Variants in AFDN observed in about 807,000 individuals in gnomAD.
AFDN encodes afadin.
A neutral mutation model predicts 216.6 loss-of-function variants in AFDN; 68 were observed. The ratio of observed to expected loss-of-function variants is 0.31; its 90% CI spans 0.26 to 0.38. AFDN has a LOEUF of 0.38. Ranked by LOEUF, AFDN falls within the 10% of genes least tolerant of loss-of-function variation. The probability of loss-of-function intolerance (pLI) is 1.00; values close to 1 mark genes in which losing one functional copy is unlikely to be tolerated. For missense variants in AFDN, 2,136 were observed against 2,342.0 expected (o/e 0.91, Z 1.82); for synonymous variants, 868 against 853.7 (o/e 1.02, Z -0.29).
In AFDN at chr6:167,962,584, G is replaced by A. The variant is rs752039030; in HGVS notation, c.4968+17G>A. 1 of 1,613,898 alleles carries A rather than the reference G, an allele frequency of 6.2e-7. No homozygotes were observed. The highest frequency in any genetic ancestry group is 8.5e-7 in the Non-Finnish European group (1 of 1,179,796). On this transcript the variant is annotated intron_variant, in intron 31 of 33. Coordinates refer to ENST00000683244, the MANE Select transcript of AFDN (RefSeq NM_001386888.1). The surrounding 1 kb of genome is among the most constrained non-coding windows in gnomAD (Gnocchi z 5.2). The stretch of plus-strand genomic sequence containing the variant: ...GAAGAAAAGGTTATGGTCCTTTAAG[G>A]GCAGCTAGAATTTTACCAAGTTAGC...
intron 11 of AFDN, 151 bp downstream of exon 11, chr6:167,898,618 G>A: frequency 1.1e-6 from 1 of 929,606 alleles, no homozygotes. Context: ...TGTTAACTTG[G>A]GTTGGTTTTA....
At chr6:167,845,628 G>T (rs185168899) in intron 1 of AFDN, among the ~76,000 whole-genome samples, 5 of 152,050 alleles carry the variant, frequency 3.3e-5, no homozygotes, top group African/African-American at 1.2e-4. Flanking sequence ...CGTCTGCCTC[G>T]GCTTCCCAAA....
chr6:167,919,648 G>A (rs138449494), intron 21 of AFDN, among the ~76,000 whole-genome samples: 163 of 152,366 alleles, frequency 1.1e-3, no homozygotes, highest in African/African-American at 3.3e-3. Flanking sequence ...TGAAAGGTTC[G>A]AATACAACTG....
chr6:167,842,409 T>C (rs971600786), intron 1 of AFDN, among the ~76,000 whole-genome samples: 5 of 152,174 alleles, frequency 3.3e-5, no homozygotes, highest in African/African-American at 9.7e-5. Flanking sequence ...AAATGCCCCA[T>C]AATTAACTAT....
chr6:167,839,015 A>G (rs751831090), intron 1 of AFDN, among the ~76,000 whole-genome samples: 4 of 152,148 alleles, frequency 2.6e-5, no homozygotes, highest in Non-Finnish European at 4.4e-5. Flanking sequence ...CTTGTGGCCA[A>G]TATTCTTGCA....
At chr6:167,864,891 T>C (rs1227905613) in intron 2 of AFDN, 145 bp downstream of exon 2, 1 of 848,102 alleles carries the variant, frequency 1.2e-6, no homozygotes, top group Non-Finnish European at 2.0e-6. Context: ...GCTGGCAGGC[T>C]GAGAAAACTG....
chr6:167,957,615 T>G (rs571213780), intron 30 of AFDN, among the ~76,000 whole-genome samples: 11 of 152,318 alleles, frequency 7.2e-5, no homozygotes, highest in African/African-American at 2.6e-4. Context: ...GGCTTTTCCT[T>G]TATATCGCAT....
At chr6:167,885,740 T>C (rs1469561097) in intron 6 of AFDN, among the ~76,000 whole-genome samples, 1 of 152,250 alleles carries the variant, frequency 6.6e-6, no homozygotes, top group Non-Finnish European at 1.5e-5. Context: ...GTAGGCGTGC[T>C]CAACGCAGGC....
intron 1 of AFDN, among the ~76,000 whole-genome samples, chr6:167,849,742 T>C (rs1782091905): frequency 1.3e-5 from 2 of 152,216 alleles, no homozygotes; most frequent in Admixed American, 6.5e-5. Flanking sequence ...ACAGAGTGTT[T>C]CCATAAAATT....
intron 9 of AFDN, among the ~76,000 whole-genome samples, chr6:167,895,760 C>A (rs1001462994): frequency 6.6e-6 from 1 of 152,142 alleles, no homozygotes; most frequent in Non-Finnish European, 1.5e-5. Context: ...GTGAAACTCT[C>A]AAAGCTTACG....
Position 167,872,292 on chromosome 6 carries a change from GAAAAGAAGGAAA to G in AFDN, c.502_513del (p.Glu168_Lys171del). On this transcript the variant is annotated inframe_deletion, in exon 4 of 34. Transcript: ENST00000683244. The stretch of plus-strand genomic sequence containing the variant: ...CTTCAAGAGAACTCTCTCAAAGAAA[GAAAAGAAGGAAA>G]AAAAGAAGAGAGAAAAAGAGGCATT... The G allele has an allele frequency of 6.2e-7, 1 of 1,613,818 alleles. No individual in the cohort carries two copies. Among genetic ancestry groups the G allele is most frequent in the Non-Finnish European group, 8.5e-7 (1 of 1,179,910 alleles).
At chr6:167,905,029 C>T (rs1789487865) in intron 12 of AFDN, among the ~76,000 whole-genome samples, 1 of 152,176 alleles carries the variant, frequency 6.6e-6, no homozygotes, top group Non-Finnish European at 1.5e-5. Flanking sequence ...CCGTGCCTGC[C>T]TCTTTCCTCC....
chr6:167,962,332 G>T lies in AFDN; in HGVS notation c.4834-101G>T. On this transcript the variant is annotated intron_variant, in intron 30 of 33. Transcript: ENST00000683244. This position sits in a 1 kb window ranked among gnomAD's most constrained non-coding sequence, Gnocchi z 5.2. ...ATTTTATATTTAACTTTCTGTGTGT[G>T]TGTGTTTGTGTATATGTGTGTCTAC... is the stretch of plus-strand genomic sequence containing the variant. 2 of 1,463,914 alleles carry T rather than the reference G, an allele frequency of 1.4e-6. No homozygotes were observed. Among genetic ancestry groups the T allele is most frequent in the African/African-American group, 1.4e-5 (1 of 71,802 alleles). 90.7% of individuals were successfully genotyped at this position (1,463,914 alleles called of 1,614,324 possible).
intron 23 of AFDN, among the ~76,000 whole-genome samples, chr6:167,939,995 A>C (rs527281569): frequency 6.6e-6 from 1 of 152,378 alleles, no homozygotes; most frequent in South Asian, 2.1e-4. Flanking sequence ...TAAAAAGCTC[A>C]GTCTTTGCCA....
chr6:167,938,110 A>T (rs1794230352), intron 23 of AFDN, among the ~76,000 whole-genome samples: 1 of 152,196 alleles, frequency 6.6e-6, no homozygotes, highest in African/African-American at 2.4e-5. Context: ...TGAGAACATA[A>T]GTGAATGATG....
chr6:167,928,830 A>G (rs1299750848), intron 23 of AFDN, among the ~76,000 whole-genome samples: 1 of 152,196 alleles, frequency 6.6e-6, no homozygotes, highest in African/African-American at 2.4e-5. Flanking sequence ...AAGTCCCCTG[A>G]GCTGCTGTAT....
chr6:167,917,065 T>G lies in AFDN; in HGVS notation c.2566-24T>G, dbSNP rs1347374115. 3 of 1,603,340 alleles carry G rather than the reference T, an allele frequency of 1.9e-6. No individual in the cohort carries two copies. The South Asian group carries it at 3.3e-5, about 18-fold the overall frequency. ...AAATAACTTTACAAGTGTGATATTT[T>G]ATGTCCTTTATTCTTTTACATAGGC... is the stretch of plus-strand genomic sequence containing the variant. On this transcript the variant is annotated intron_variant, in intron 19 of 33. Transcript: ENST00000683244.
At chr6:167,876,457 G>C (rs962274632) in intron 5 of AFDN, among the ~76,000 whole-genome samples, 5 of 152,172 alleles carry the variant, frequency 3.3e-5, no homozygotes, top group African/African-American at 7.2e-5. Context: ...CAAGGAGTCT[G>C]AAAGAAAATA....
chr6:167,951,375 A>G lies in AFDN; in HGVS notation c.4021A>G (p.Thr1341Ala). Residue 1341 changes from threonine to alanine, a missense_variant, in exon 30 of 34, where the codon ACA becomes GCA. Around this residue, in one of 8 missense-constraint regions of AFDN, gnomAD observed 981 missense variants for 966.0 expected, o/e 1.02. Coordinates refer to ENST00000683244, the MANE Select transcript of AFDN (RefSeq NM_001386888.1). This position sits in a 1 kb window ranked among gnomAD's most constrained non-coding sequence, Gnocchi z 7.1. ...HSSKSVTPASTLTKSGPGRWK... is the reference protein window; with the variant it reads ...HSSKSVTPASALTKSGPGRWK... The stretch of plus-strand genomic sequence containing the variant: ...CTCTAAGTCGGTCACCCCTGCTTCC[A>G]CACTGACCAAAAGTGGCCCTGGCCG... The G allele has an allele frequency of 1.2e-6, 2 of 1,614,116 alleles. No homozygotes were observed. The highest frequency in any genetic ancestry group is 1.7e-6 in the Non-Finnish European group (2 of 1,180,012).
Sources: gnomAD v4.1 joint callset for allele counts (sites outside exome capture counted in the v4.1 genomes callset) on GRCh38, gnomAD v4.1.1 for gene constraint, gnomAD v4.1.1 regional missense constraint, Gnocchi (gnomAD v3.1) non-coding constraint, MANE v1.5 for transcripts, NCBI Gene and HGNC (gene_info 2026-07-23, HGNC 2026-07-21) for gene names.